TAFA5: variants seen among roughly 807,000 people sequenced by gnomAD.
TAFA5 encodes the protein chemokine-like protein TAFA-5.
TAFA5 carries 6 observed loss-of-function variants against 15.3 expected under a neutral mutation model. The ratio of observed to expected loss-of-function variants is 0.39; its 90% CI spans 0.21 to 0.77. TAFA5 has a LOEUF of 0.77. Among genes scored for constraint, TAFA5 ranks in the 30% least tolerant of loss-of-function variants. The pLI is 0.41. For synonymous variants in TAFA5, 103 were observed against 80.7 expected, an observed-to-expected ratio of 1.28 and a Z score of -1.48; for missense variants, 161 against 193.1, an observed-to-expected ratio of 0.83 and a Z score of 0.98.
At chr22:48,641,827 T>C (rs1926691530) in intron 1 of TAFA5, among the ~76,000 whole-genome samples, 1 of 152,090 alleles carries the variant, frequency 6.6e-6, no homozygotes, top group Admixed American at 6.5e-5. Context: ...TTGTGGGAGT[T>C]GGCACTGGAG....
chr22:48,733,874 A>C (rs1929936380), intron 3 of TAFA5, among the ~76,000 whole-genome samples: 5 of 152,148 alleles, frequency 3.3e-5, no homozygotes, highest in African/African-American at 4.8e-5. Context: ...ATACTGTCTG[A>C]CTCTTTGCAG....
intron 1 of TAFA5, among the ~76,000 whole-genome samples, chr22:48,529,064 A>G (rs543000947): frequency 6.6e-6 from 1 of 152,332 alleles, no homozygotes; most frequent in Admixed American, 6.5e-5. Context: ...GGGCCCTAGC[A>G]GGGCAGTGAC....
chr22:48,718,121 C>T (rs560519645), intron 3 of TAFA5, among the ~76,000 whole-genome samples: 4 of 152,264 alleles, frequency 2.6e-5, no homozygotes, highest in South Asian at 2.1e-4. Context: ...GCGGAGGGCC[C>T]GGGAGGGTCT....
chr22:48,639,192 C>G (rs934964503), intron 1 of TAFA5, among the ~76,000 whole-genome samples: 3 of 152,144 alleles, frequency 2.0e-5, no homozygotes, highest in Admixed American at 1.3e-4. Flanking sequence ...GGCGGCCCCA[C>G]GGCGCCTCCT....
intron 1 of TAFA5, among the ~76,000 whole-genome samples, chr22:48,508,578 G>C (rs1224853117): frequency 6.6e-6 from 1 of 152,188 alleles, no homozygotes; most frequent in Non-Finnish European, 1.5e-5. Flanking sequence ...GGGGACACCT[G>C]GGTGCCTGTT....
chr22:48,548,004 G>A (rs1922734075), intron 1 of TAFA5, among the ~76,000 whole-genome samples: 1 of 152,210 alleles, frequency 6.6e-6, no homozygotes, highest in African/African-American at 2.4e-5. Context: ...CCTGTTGTGT[G>A]ATGTGTTCTT....
chr22:48,655,837 T>TTG (rs142976096), intron 2 of TAFA5, among the ~76,000 whole-genome samples: 17,011 of 121,870 alleles, frequency 0.14, 1,971 homozygotes, highest in Non-Finnish European at 0.21. Context: ...ATTCTTTTTT[T>TTG]TTTTTTTTTT....
intron 1 of TAFA5, among the ~76,000 whole-genome samples, chr22:48,579,596 A>G (rs1291780089): frequency 2.0e-5 from 3 of 152,224 alleles, no homozygotes; most frequent in Non-Finnish European, 4.4e-5. Flanking sequence ...TTTGGCCTCC[A>G]AATACGGAGT....
intron 1 of TAFA5, among the ~76,000 whole-genome samples, chr22:48,567,337 T>C (rs1032840418): frequency 2.6e-5 from 4 of 150,948 alleles, no homozygotes; most frequent in African/African-American, 9.9e-5. Flanking sequence ...GGTAGCAGGC[T>C]CCCGCCCCAG....
intron 1 of TAFA5, among the ~76,000 whole-genome samples, chr22:48,589,018 C>G (rs1297216875): frequency 6.6e-6 from 1 of 152,252 alleles, no homozygotes; most frequent in African/African-American, 2.4e-5. Flanking sequence ...ATTCGCTTCA[C>G]CGATAGAAGA....
intron 1 of TAFA5, among the ~76,000 whole-genome samples, chr22:48,492,996 C>T (rs1215778734): frequency 3.9e-5 from 6 of 152,160 alleles, no homozygotes; most frequent in Admixed American, 3.9e-4. Flanking sequence ...CCAGCTAGAG[C>T]TGGTTGAGGG....
chr22:48,604,138 C>G (rs1303906416), intron 1 of TAFA5, among the ~76,000 whole-genome samples: 1 of 152,218 alleles, frequency 6.6e-6, no homozygotes, highest in Non-Finnish European at 1.5e-5. Context: ...GGGATTGCAG[C>G]TCAGAAAGGG....
chr22:48,751,553 A>G lies in TAFA5; in HGVS notation c.*1706A>G, dbSNP rs1372903706. 1 of 152,466 alleles carries G rather than the reference A, an allele frequency of 6.6e-6. No individual in the cohort carries two copies. Among genetic ancestry groups the G allele is most frequent in the Admixed American group, 6.5e-5 (1 of 15,292 alleles). 9.4% of individuals were successfully genotyped at this position (152,466 alleles called of 1,614,324 possible). A position where few individuals can be genotyped will look rare whatever the true frequency, so the allele number is the denominator to read the frequency against. ...CAACCATAGACTGAAGATACGAAAG[A>G]AAATCCATTTATTTAAGACCTGTTC... On this transcript the variant is annotated 3_prime_UTR_variant, in exon 4 of 4. Coordinates refer to ENST00000402357, the MANE Select transcript of TAFA5 (RefSeq NM_001082967.3).
At chr22:48,704,711 C>T (rs979828913) in intron 2 of TAFA5, among the ~76,000 whole-genome samples, 3 of 152,050 alleles carry the variant, frequency 2.0e-5, no homozygotes, top group Non-Finnish European at 4.4e-5. Context: ...CTGGAGTTTC[C>T]TCACCTGACT....
At chr22:48,720,605 G>A (rs771720897) in intron 3 of TAFA5, among the ~76,000 whole-genome samples, 11 of 152,172 alleles carry the variant, frequency 7.2e-5, no homozygotes, top group African/African-American at 2.4e-4. Flanking sequence ...ACCATCCTCC[G>A]GCTATGCAGG....
chr22:48,539,533 TTTTCTCTTCCCAC>T (rs1922286763), intron 1 of TAFA5: 1 of 466,020 alleles, frequency 2.1e-6, no homozygotes, highest in African/African-American at 2.0e-5. Context: ...TCACTGCAAC[TTTTCTCTTCCCAC>T]TTTCTGTATT....
At position 48,637,409 on chromosome 22, in the gene TAFA5, C is replaced by T. The variant is rs76499772; in HGVS notation, c.113-9188C>T. Among the ~76,000 whole-genome samples, 1,281 of 152,328 alleles carry T rather than the reference C, an allele frequency of 8.4e-3. 15 individuals are homozygous for T. The highest frequency in any genetic ancestry group is 0.029 in the African/African-American group (1,219 of 41,578). On this transcript the variant is annotated intron_variant, in intron 1 of 3. Transcript: ENST00000402357. ...TGATGTCTCAGTTCGAAAGCGGTTC[C>T]TGCTAACGCCTCCTCGCCTGTCTGC...
At chr22:48,735,715 A>G (rs753021626) in intron 3 of TAFA5, among the ~76,000 whole-genome samples, 1 of 151,948 alleles carries the variant, frequency 6.6e-6, no homozygotes, top group African/African-American at 2.4e-5. Context: ...GGAGGCAGCA[A>G]TCGCCCTCCT....
chr22:48,698,263 G>A lies in TAFA5; in HGVS notation c.263-9454G>A, dbSNP rs546310744. Among the ~76,000 whole-genome samples, 4 of 151,974 alleles carry A rather than the reference G, an allele frequency of 2.6e-5. No homozygotes were observed. The South Asian group carries it at 6.3e-4, about 24-fold the overall frequency. ...GGCCCAGGCAAGTGGATCACCTGAG[G>A]TCAGGAGTTCGAGACCAGCCTGGCC... On this transcript the variant is annotated intron_variant, in intron 2 of 3. Coordinates refer to ENST00000402357, the MANE Select transcript of TAFA5 (RefSeq NM_001082967.3).
Sources: allele counts gnomAD v4.1 joint callset (sites outside exome capture counted in the v4.1 genomes callset), GRCh38; gene constraint gnomAD v4.1.1; transcripts MANE v1.5; gene names NCBI Gene and HGNC (gene_info 2026-07-23, HGNC 2026-07-21).